The following CCDC144A variants were observed in gnomAD, a reference collection of about 807,000 sequenced individuals.
CCDC144A encodes the protein coiled-coil domain-containing protein 144A.
CCDC144A carries 41 observed loss-of-function variants against 143.8 expected under a neutral mutation model. The ratio of observed to expected loss-of-function variants is 0.29; its 90% CI spans 0.22 to 0.37. The LOEUF (loss-of-function observed/expected upper bound fraction) is 0.37, where lower values mean the gene tolerates loss of function less well. Ranked by LOEUF, CCDC144A falls within the 10% of genes least tolerant of loss-of-function variation. CCDC144A has a pLI of 1.00. For missense variants in CCDC144A, 637 were observed against 1,488.8 expected (o/e 0.43, Z 9.41); for synonymous variants, 242 against 517.9 (o/e 0.47, Z 7.23).
chr17:16,705,653 G>C (rs2143100746), intron 3 of CCDC144A: 1 of 442,666 alleles, frequency 2.3e-6, no homozygotes, highest in African/African-American at 2.0e-5. Context: ...TAGGGACTAA[G>C]TATGTTTAGG....
At chr17:16,671,831 A>C in the CCDC144A span, among the ~76,000 whole-genome samples, 1 of 152,132 alleles carries the variant, frequency 6.6e-6, no homozygotes, top group Non-Finnish European at 1.5e-5. Flanking sequence ...TGAAACAAAC[A>C]AGAAAAAACC....
At chr17:16,722,911 G>A (rs1048023174) in intron 8 of CCDC144A, among the ~76,000 whole-genome samples, 1 of 152,014 alleles carries the variant, frequency 6.6e-6, no homozygotes, top group Non-Finnish European at 1.5e-5. Context: ...AGGATATCTT[G>A]GTTTCTTGAG....
the CCDC144A span, chr17:16,684,313 G>T: frequency 1.4e-6 from 1 of 738,618 alleles, no homozygotes; most frequent in Non-Finnish European, 2.5e-6. Context: ...TATGTAAGTG[G>T]TTTAATGACA....
At chr17:16,711,152 A>AAAAAAAAAAAAAC (rs1912411048) in intron 5 of CCDC144A, among the ~76,000 whole-genome samples, 1 of 141,422 alleles carries the variant, frequency 7.1e-6, no homozygotes, top group African/African-American at 2.6e-5. Context: ...AAAAAAAAAA[A>AAAAAAAAAAAAAC]AAAAAACAAA....
At chr17:16,759,329 G>A (rs1915249631) in intron 12 of CCDC144A, among the ~76,000 whole-genome samples, 1 of 152,176 alleles carries the variant, frequency 6.6e-6, no homozygotes. Context: ...AAGCCAAAAG[G>A]CTTACACATA....
At chr17:16,667,280 CTGAGGGGT>C in the CCDC144A span, among the ~76,000 whole-genome samples, 1,362 of 130,914 alleles carry the variant, frequency 0.01, 85 homozygotes, top group East Asian at 0.22. Flanking sequence ...GGCTGAGGGG[CTGAGGGGT>C]TGAGGCGGCT....
At chr17:16,667,625 C>CG in the CCDC144A span, among the ~76,000 whole-genome samples, 1 of 150,274 alleles carries the variant, frequency 6.7e-6, no homozygotes, top group Admixed American at 6.6e-5. Context: ...GGCTCCTGCT[C>CG]GGTGTCCTTT....
At chr17:16,676,813 A>G in the CCDC144A span, among the ~76,000 whole-genome samples, 1 of 151,968 alleles carries the variant, frequency 6.6e-6, no homozygotes, top group Non-Finnish European at 1.5e-5. Context: ...ATTCCCCCTC[A>G]CTGTTCTGTG....
At chr17:16,677,168 C>T in the CCDC144A span, among the ~76,000 whole-genome samples, 4 of 152,222 alleles carry the variant, frequency 2.6e-5, no homozygotes, top group Non-Finnish European at 4.4e-5. Flanking sequence ...TCTGCACCTT[C>T]GTCCGTCCTC....
chr17:16,745,915 C>T (rs550600373), intron 12 of CCDC144A: 1 of 1,602,138 alleles, frequency 6.2e-7, no homozygotes, highest in East Asian at 2.2e-5. Flanking sequence ...TGCTCATCCT[C>T]ACTCCTTCTG....
the CCDC144A span, among the ~76,000 whole-genome samples, chr17:16,678,072 T>C: frequency 6.6e-6 from 1 of 152,086 alleles, no homozygotes; most frequent in Admixed American, 6.6e-5. Flanking sequence ...TCATAATGGC[T>C]ACTATGCTTT....
At position 16,764,053 on chromosome 17, in the gene CCDC144A, A is replaced by G. The variant is rs373439070; in HGVS notation, c.3976A>G (p.Thr1326Ala). ...RSRSLFTAYA[T>A]RPVLESPCVG... ...CAGATCTCTATTCACTGCTTATGCT[A>G]CAAGGCCAGTCCTAGAGTCACCTTG... The change falls in exon 15 of 17, where the codon ACA becomes GCA. Residue 1326 changes from threonine (T) to alanine (A), a missense_variant. Thr to Ala is a moderately conservative substitution (Grantham distance 58, BLOSUM62 0). Coordinates refer to ENST00000399273, the MANE Select transcript of CCDC144A (RefSeq NM_001382000.1). The G allele has an allele frequency of 9.0e-5, 145 of 1,613,664 alleles. No individual in the cohort carries two copies. Among genetic ancestry groups the G allele is most frequent in the Non-Finnish European group, 8.4e-5 (99 of 1,179,720 alleles).
intron 12 of CCDC144A, among the ~76,000 whole-genome samples, chr17:16,741,616 G>C (rs2143276522): frequency 6.7e-6 from 1 of 150,118 alleles, no homozygotes; most frequent in Middle Eastern, 3.4e-3. Context: ...TATTTTTATT[G>C]ATGTATTTTT....
At chr17:16,680,555 A>G in the CCDC144A span, among the ~76,000 whole-genome samples, 8 of 150,560 alleles carry the variant, frequency 5.3e-5, no homozygotes, top group East Asian at 1.4e-3. Flanking sequence ...GAAAGAAAGA[A>G]AGAGAGAGAG....
the CCDC144A span, chr17:16,684,035 A>G: frequency 5.5e-6 from 5 of 910,836 alleles, no homozygotes; most frequent in African/African-American, 6.5e-5. Flanking sequence ...CTGCAAGGCC[A>G]TTGAACAAGC....
At chr17:16,753,573 G>T (rs568614702) in intron 12 of CCDC144A, among the ~76,000 whole-genome samples, 140 of 151,100 alleles carry the variant, frequency 9.3e-4, no homozygotes, top group African/African-American at 3.1e-3. Context: ...GATTATTAGT[G>T]TATAGAAATG....
chr17:16,745,713 G>T (rs953224712), intron 12 of CCDC144A: 1 of 1,613,978 alleles, frequency 6.2e-7, no homozygotes. Context: ...ACACTCTCGC[G>T]CTCGGAAGTG....
In CCDC144A at chr17:16,690,346, G is replaced by A. The variant is rs1910972095; in HGVS notation, c.-55G>A. 23 of 1,381,668 alleles carry A rather than the reference G, an allele frequency of 1.7e-5. No individual in the cohort carries two copies. Among genetic ancestry groups the A allele is most frequent in the Non-Finnish European group, 1.9e-5 (20 of 1,034,684 alleles). The allele number at this position is 1,381,668 out of a possible 1,614,324, so 85.6% of individuals were successfully genotyped here. A position where few individuals can be genotyped will look rare whatever the true frequency, so the allele number is the denominator to read the frequency against. On this transcript the variant is annotated 5_prime_UTR_variant, in exon 1 of 17. Coordinates refer to ENST00000399273, the MANE Select transcript of CCDC144A (RefSeq NM_001382000.1). Reference sequence around the variant, plus strand: ...TTGGCGGTCCTCCTTTCGCAGATTGGAAACCGCGGGCTATCCTGCTGGGAG... The same window carrying A: ...TTGGCGGTCCTCCTTTCGCAGATTGAAAACCGCGGGCTATCCTGCTGGGAG...
chr17:16,769,412 A>G lies in CCDC144A; in HGVS notation c.4099-2565A>G, dbSNP rs1488724696. Among the ~76,000 whole-genome samples, 7 of 152,384 alleles carry G rather than the reference A, an allele frequency of 4.6e-5. No homozygotes were observed. The South Asian group carries it at 1.2e-3, about 27-fold the overall frequency. Reference sequence around the variant, plus strand: ...ATTGAAATTAATCCCATGTCTTTGTATGTACAAATTAATGATGAGAAGTTG... The same window carrying G: ...ATTGAAATTAATCCCATGTCTTTGTGTGTACAAATTAATGATGAGAAGTTG... On this transcript the variant is annotated intron_variant, in intron 15 of 16. Transcript: ENST00000399273.
Sources: allele counts gnomAD v4.1 joint callset (sites outside exome capture counted in the v4.1 genomes callset), GRCh38; gene constraint gnomAD v4.1.1; transcripts MANE v1.5; gene names NCBI Gene and HGNC (gene_info 2026-07-23, HGNC 2026-07-21).